The following LIPA variants were observed in gnomAD, a reference collection of about 807,000 sequenced individuals.
LIPA encodes lipase A, lysosomal acid type, also known as lysosomal acid lipase/cholesteryl ester hydrolase.
LIPA carries 26 observed loss-of-function variants against 40.6 expected under a neutral mutation model. That is an observed-to-expected ratio of 0.64 (90% CI 0.47 to 0.89). The LOEUF is 0.89. Among genes scored for constraint, LIPA ranks in the 40% least tolerant of loss-of-function variants. The pLI is 0.00. For synonymous variants in LIPA, 188 were observed against 168.4 expected (o/e 1.12, Z -0.90); for missense variants, 455 against 479.6 (o/e 0.95, Z 0.48).
At chr10:89,309,935 T>C (rs1380214689) in intron 1 of LIPA, among the ~76,000 whole-genome samples, 2 of 152,182 alleles carry the variant, frequency 1.3e-5, no homozygotes, top group African/African-American at 4.8e-5. Flanking sequence ...AAGCCCCTAG[T>C]AGATGTCTCC....
chr10:89,307,431 C>A, intron 1 of LIPA: 1 of 1,398,502 alleles, frequency 7.2e-7, no homozygotes, highest in Non-Finnish European at 9.8e-7. Flanking sequence ...GAAATTCCTC[C>A]ACCAAGTTGG....
At chr10:89,309,510 T>C (rs950935072) in intron 1 of LIPA, among the ~76,000 whole-genome samples, 18 of 152,206 alleles carry the variant, frequency 1.2e-4, no homozygotes, top group African/African-American at 4.3e-4. Flanking sequence ...GGACTACATC[T>C]GGTGCCTGGG....
Position 89,364,181 on chromosome 10 carries a change from A to T in LIPA, c.61+48610T>A, listed in dbSNP as rs1844042741. Among the ~76,000 whole-genome samples the T allele has an allele frequency of 2.0e-5, 3 of 152,288 alleles. No individual in the cohort carries two copies. The South Asian group carries it at 6.2e-4, about 32-fold the overall frequency. On this transcript the variant is annotated intron_variant, in intron 2 of 8. Transcript: ENST00000371837. ...CTTTTTGGCTAATGAACACCTATCC[A>T]CGTGGTTGTGGCAGCAATATCAGCA...
Position 89,338,753 on chromosome 10 carries a change from A to T in LIPA, c.-2+3858T>A. On this transcript the variant is annotated intron_variant, in intron 1 of 5. Coordinates refer to the LIPA transcript ENST00000282673. Reference sequence around the variant, plus strand: ...TTCAAGGAAGACAGTGTCTCAAGGGATCTAGAAGATAGAGTGTGTAACCAG... The same window carrying T: ...TTCAAGGAAGACAGTGTCTCAAGGGTTCTAGAAGATAGAGTGTGTAACCAG... 7 of 1,614,010 alleles carry T rather than the reference A, an allele frequency of 4.3e-6. No individual in the cohort carries two copies. Among genetic ancestry groups the T allele is most frequent in the Non-Finnish European group, 5.9e-6 (7 of 1,179,888 alleles).
intron 1 of LIPA, among the ~76,000 whole-genome samples, chr10:89,267,653 G>A (rs971824246): frequency 1.4e-5 from 2 of 146,192 alleles, no homozygotes; most frequent in Non-Finnish European, 1.5e-5. Context: ...TGGGTGCAGC[G>A]CACCAGCATG....
At chr10:89,345,349 T>C (rs1419999559), upstream of LIPA, among the ~76,000 whole-genome samples, 1 of 151,920 alleles carries the variant, frequency 6.6e-6, no homozygotes, top group Non-Finnish European at 1.5e-5. Context: ...GCCAACATGG[T>C]GAAAACCCAT....
chr10:89,290,680 G>T (rs7082118), intron 1 of LIPA, among the ~76,000 whole-genome samples: 1 of 152,050 alleles, frequency 6.6e-6, no homozygotes, highest in Non-Finnish European at 1.5e-5. Flanking sequence ...AAAAGCTCCC[G>T]CACTGAGCAC....
At chr10:89,301,903 T>C (rs1223566524) in intron 1 of LIPA, 1 of 498,204 alleles carries the variant, frequency 2.0e-6, no homozygotes, top group Non-Finnish European at 3.7e-6. Flanking sequence ...CTCTAAAGTA[T>C]AATAAAAAGA....
intron 1 of LIPA, among the ~76,000 whole-genome samples, chr10:89,315,726 G>T (rs1011225647): frequency 6.6e-6 from 1 of 152,168 alleles, no homozygotes; most frequent in African/African-American, 2.4e-5. Flanking sequence ...TCCAGAGCTT[G>T]GAAAGCTAAA....
intron 2 of LIPA, among the ~76,000 whole-genome samples, chr10:89,381,296 C>T (rs571027873): frequency 5.3e-5 from 8 of 152,176 alleles, no homozygotes; most frequent in African/African-American, 1.9e-4. Context: ...GGGTCAAAAA[C>T]TCTTCCCGAT....
intron 1 of LIPA, among the ~76,000 whole-genome samples, chr10:89,265,800 T>C (rs1843232795): frequency 6.6e-6 from 1 of 152,240 alleles, no homozygotes; most frequent in Admixed American, 6.5e-5. Context: ...CACTAGTTAA[T>C]GAGAGAGACC....
chr10:89,292,894 C>T (rs191013367), intron 1 of LIPA, among the ~76,000 whole-genome samples: 68 of 151,966 alleles, frequency 4.5e-4, no homozygotes, highest in Middle Eastern at 6.8e-3. Flanking sequence ...AGCAATTCTC[C>T]TGCCTCTGCC....
chr10:89,227,748 C>T (rs185783393), intron 4 of LIPA, among the ~76,000 whole-genome samples: 15 of 152,174 alleles, frequency 9.9e-5, no homozygotes, highest in East Asian at 1.9e-4. Context: ...GTGTTTATTA[C>T]GCTCCATTTT....
intron 2 of LIPA, chr10:89,384,266 T>C (rs764545859): frequency 6.2e-7 from 1 of 1,614,052 alleles, no homozygotes; most frequent in Non-Finnish European, 8.5e-7. Context: ...AGGGAAACTG[T>C]GGACAGATTG....
In LIPA at chr10:89,390,749, A is replaced by G. The variant is rs150024951; in HGVS notation, c.61+22042T>C. ...TCAGCCTGGGCCATAGCCCCGTAGA[A>G]CCAAGACTGCTGCCAAATTCACAGC... On this transcript the variant is annotated intron_variant, in intron 2 of 8. Coordinates refer to the LIPA transcript ENST00000371837. Among the ~76,000 whole-genome samples the G allele has an allele frequency of 2.9e-3, 447 of 152,332 alleles. 2 individuals are homozygous for G. Among genetic ancestry groups the G allele is most frequent in the African/African-American group, 0.01 (422 of 41,568 alleles).
intron 2 of LIPA, among the ~76,000 whole-genome samples, chr10:89,398,839 CAAAT>C (rs1374018777): frequency 1.3e-5 from 2 of 152,118 alleles, no homozygotes; most frequent in African/African-American, 4.8e-5. Flanking sequence ...TGAATATGGA[CAAAT>C]AAATAATCTG....
At chr10:89,337,063 T>C (rs1843753718) in intron 1 of LIPA, among the ~76,000 whole-genome samples, 1 of 152,240 alleles carries the variant, frequency 6.6e-6, no homozygotes, top group Admixed American at 6.5e-5. Context: ...TCTGGGAATC[T>C]GGCCTGTGTG....
intron 1 of LIPA, among the ~76,000 whole-genome samples, chr10:89,318,599 C>A (rs936356179): frequency 6.6e-6 from 1 of 152,154 alleles, no homozygotes; most frequent in Non-Finnish European, 1.5e-5. Context: ...TGTAGACTCC[C>A]AAACAATAAT....
intron 6 of LIPA, among the ~76,000 whole-genome samples, chr10:89,224,579 T>C (rs1842742845): frequency 6.6e-6 from 1 of 152,260 alleles, no homozygotes; most frequent in African/African-American, 2.4e-5. Flanking sequence ...TGAAATCTAT[T>C]TCCTCCCTGA....
Sources: allele counts gnomAD v4.1 joint callset (sites outside exome capture counted in the v4.1 genomes callset), GRCh38; gene constraint gnomAD v4.1.1; transcripts MANE v1.5; gene names NCBI Gene and HGNC (gene_info 2026-07-23, HGNC 2026-07-21).